CPQ: variants seen among roughly 807,000 people sequenced by gnomAD.
CPQ encodes Ser-Met dipeptidase.
Under a neutral mutation model 45.7 loss-of-function variants are expected in CPQ, and 37 were observed. The ratio of observed to expected loss-of-function variants is 0.81; its 90% confidence interval spans 0.62 to 1.07. CPQ has a LOEUF of 1.07. Ranked by LOEUF, CPQ falls within the 50% of genes least tolerant of loss-of-function variation. The pLI, the probability that CPQ is intolerant of heterozygous loss-of-function variation, is 0.00. For synonymous variants in CPQ, 186 were observed against 205.8 expected (o/e 0.90, Z 0.82); for missense variants, 537 against 572.9 (o/e 0.94, Z 0.64).
chr8:96,879,059 T>G (rs1031508489), intron 3 of CPQ, among the ~76,000 whole-genome samples: 2 of 152,154 alleles, frequency 1.3e-5, no homozygotes, highest in African/African-American at 4.8e-5. Context: ...GATACAGAGG[T>G]TGAATCAACA....
At chr8:96,967,158 AG>A (rs1813580394) in intron 5 of CPQ, among the ~76,000 whole-genome samples, 5 of 152,190 alleles carry the variant, frequency 3.3e-5, no homozygotes, top group African/African-American at 1.2e-4. Flanking sequence ...TCCAGAAAGA[AG>A]TGGGTTCTAG....
intron 7 of CPQ, among the ~76,000 whole-genome samples, chr8:97,116,459 T>A (rs2130600590): frequency 6.6e-6 from 1 of 152,320 alleles, no homozygotes; most frequent in Non-Finnish European, 1.5e-5. Flanking sequence ...AACTGAAAAT[T>A]AGAATAAGGC....
At chr8:96,866,944 CAAA>C (rs917627564) in intron 3 of CPQ, among the ~76,000 whole-genome samples, 1 of 151,648 alleles carries the variant, frequency 6.6e-6, no homozygotes, top group African/African-American at 2.4e-5. Context: ...CTTTGTGGTT[CAAA>C]AAAAATACAT....
At chr8:96,889,458 C>T (rs1812345890) in intron 4 of CPQ, among the ~76,000 whole-genome samples, 1 of 152,118 alleles carries the variant, frequency 6.6e-6, no homozygotes, top group South Asian at 2.1e-4. Flanking sequence ...TTATTGAGCT[C>T]CTACTTTGCT....
chr8:96,723,595 G>A (rs1034400684), intron 1 of CPQ, among the ~76,000 whole-genome samples: 1 of 152,056 alleles, frequency 6.6e-6, no homozygotes, highest in Non-Finnish European at 1.5e-5. Flanking sequence ...CTCCCTAAAT[G>A]AGTACCTTTT....
chr8:96,749,317 A>G (rs1223345519), intron 1 of CPQ, among the ~76,000 whole-genome samples: 2 of 152,232 alleles, frequency 1.3e-5, no homozygotes, highest in African/African-American at 4.8e-5. Context: ...GAAATAGTTT[A>G]ACTCTGTCAA....
At chr8:96,960,880 C>G (rs142802400) in intron 4 of CPQ, among the ~76,000 whole-genome samples, 1 of 152,176 alleles carries the variant, frequency 6.6e-6, no homozygotes, top group African/African-American at 2.4e-5. Context: ...TAATGCATCA[C>G]TAGGTCATTT....
In CPQ at chr8:97,082,258, C is replaced by A. The variant is rs535950270; in HGVS notation, c.1255+16048C>A. On this transcript the variant is annotated intron_variant, in intron 7 of 7. Coordinates refer to ENST00000220763, the MANE Select transcript of CPQ (RefSeq NM_016134.4). ...TGCATTCTCTCAGCCCAACTTCCCC[C>A]CTTGGGGTAAACCATGACCATGGGC... is the stretch of plus-strand genomic sequence containing the variant. 9.2e-5 allele frequency among the ~76,000 whole-genome samples: 14 copies of A among 152,270 alleles called. No individual in the cohort carries two copies. In the South Asian group the frequency reaches 1.9e-3, roughly 20 times the overall value.
intron 3 of CPQ, among the ~76,000 whole-genome samples, chr8:96,873,829 A>G (rs1007855473): frequency 2.0e-5 from 3 of 151,848 alleles, no homozygotes; most frequent in African/African-American, 7.2e-5. Context: ...TATTTAACCT[A>G]TAAGCTGACA....
intron 7 of CPQ, among the ~76,000 whole-genome samples, chr8:97,116,332 AAG>A (rs551095304): frequency 1.3e-5 from 2 of 152,218 alleles, no homozygotes; most frequent in Non-Finnish European, 2.9e-5. Context: ...ACTCTAAAAT[AAG>A]AGCCAGCCAG....
rs1259991559 is a variant in CPQ at position 96,737,247 on chromosome 8, AC to A, written c.-34-47616del. On this transcript the variant is annotated intron_variant, in intron 1 of 7. Coordinates refer to ENST00000220763, the MANE Select transcript of CPQ (RefSeq NM_016134.4). The stretch of plus-strand genomic sequence containing the variant: ...TAATAAGATACACACACACACACAC[AC>A]ACACACAAAAAAAAACTAATAGGAT... Among the ~76,000 whole-genome samples the A allele has an allele frequency of 1.7e-3, 249 of 143,746 alleles. 2 individuals carry two copies. Among genetic ancestry groups the A allele is most frequent in the Admixed American group, 9.7e-3 (141 of 14,472 alleles). The allele number at this position is 143,746 out of a possible 152,430, so 94.3% of individuals were successfully genotyped here. A position where few individuals can be genotyped will look rare whatever the true frequency, so the allele number is the denominator to read the frequency against.
At chr8:96,842,556 C>G (rs1262752175) in intron 3 of CPQ, among the ~76,000 whole-genome samples, 2 of 152,208 alleles carry the variant, frequency 1.3e-5, no homozygotes, top group Non-Finnish European at 2.9e-5. Context: ...AGAGAAGACC[C>G]ACAACAAACA....
intron 7 of CPQ, among the ~76,000 whole-genome samples, chr8:97,094,889 AG>A (rs1811185538): frequency 1.3e-5 from 2 of 152,096 alleles, no homozygotes; most frequent in African/African-American, 4.8e-5. Context: ...ACTGTCCACC[AG>A]GATTACCTTC....
intron 4 of CPQ, among the ~76,000 whole-genome samples, chr8:96,904,321 A>G (rs1351408364): frequency 6.6e-6 from 1 of 152,220 alleles, no homozygotes; most frequent in African/African-American, 2.4e-5. Context: ...ATCCACAGAT[A>G]GAGAATACAA....
intron 3 of CPQ, among the ~76,000 whole-genome samples, chr8:96,851,796 G>A (rs932205346): frequency 6.6e-6 from 1 of 152,196 alleles, no homozygotes; most frequent in Admixed American, 6.5e-5. Flanking sequence ...AAGGGGACTC[G>A]ACAGTCTTGG....
chr8:97,125,055 G>A (rs1313048409), intron 7 of CPQ, among the ~76,000 whole-genome samples: 2 of 152,150 alleles, frequency 1.3e-5, no homozygotes, highest in Non-Finnish European at 2.9e-5. Flanking sequence ...AATCTCAGGT[G>A]TGAAACAGGA....
Position 96,830,902 on chromosome 8 carries a change from A to G in CPQ, c.434-4071A>G, listed in dbSNP as rs537300443. ...ATATTTGTTACATTTGTGAAATAATATAACAATGCAGTTAATGGGAAGAGC... is the reference window on the plus strand; with the variant it reads ...ATATTTGTTACATTTGTGAAATAATGTAACAATGCAGTTAATGGGAAGAGC... On this transcript the variant is annotated intron_variant, in intron 2 of 7. Transcript: ENST00000220763. 2.0e-5 allele frequency among the ~76,000 whole-genome samples: 3 copies of G among 152,310 alleles called. No homozygotes were observed. In the South Asian group the frequency reaches 6.2e-4, roughly 32 times the overall value.
rs560189394 is a variant in CPQ at position 96,924,936 on chromosome 8, G to A, written c.850-40999G>A. On this transcript the variant is annotated intron_variant, in intron 4 of 7. Coordinates refer to ENST00000220763, the MANE Select transcript of CPQ (RefSeq NM_016134.4). ...TTGTTCTGTTTTGTTTTAACACAGC[G>A]ATCTACCCTTTTATGTAACCCCTTC... is the stretch of plus-strand genomic sequence containing the variant. 1.2e-4 allele frequency among the ~76,000 whole-genome samples: 18 copies of A among 152,152 alleles called. No individual in the cohort carries two copies. The South Asian group carries it at 1.2e-3, about 11-fold the overall frequency.
chr8:96,730,682 C>G (rs376885892), intron 1 of CPQ, among the ~76,000 whole-genome samples: 10 of 151,778 alleles, frequency 6.6e-5, no homozygotes, highest in African/African-American at 2.4e-4. Flanking sequence ...GAAACTTGAA[C>G]TGGCACATTG....
Sources: gnomAD v4.1 joint callset for allele counts (sites outside exome capture counted in the v4.1 genomes callset) on GRCh38, gnomAD v4.1.1 for gene constraint, MANE v1.5 for transcripts, NCBI Gene and HGNC (gene_info 2026-07-23, HGNC 2026-07-21) for gene names.